MAGI3: variants seen among roughly 807,000 people sequenced by gnomAD.
The protein encoded by MAGI3 is membrane associated guanylate kinase, WW and PDZ domain containing 3, also known as membrane-associated guanylate kinase, WW and PDZ domain-containing protein 3.
In MAGI3, 43 loss-of-function variants were observed where a neutral mutation model predicts 121.8. That is an observed-to-expected ratio of 0.35 (90% CI 0.28 to 0.46). The LOEUF is 0.46. MAGI3 is among the 20% of genes least tolerant of loss of function. The probability of loss-of-function intolerance (pLI) is 1.00; values close to 1 mark genes in which losing one functional copy is unlikely to be tolerated. For synonymous variants in MAGI3, 553 were observed against 639.3 expected, an observed-to-expected ratio of 0.86 and a Z score of 2.04; for missense variants, 1,547 against 1,797.3, an observed-to-expected ratio of 0.86 and a Z score of 2.52.
chr1:113,676,294 G>T (rs1012757531), intron 19 of MAGI3, among the ~76,000 whole-genome samples: 1 of 152,168 alleles, frequency 6.6e-6, no homozygotes, highest in Non-Finnish European at 1.5e-5. Context: ...AGCCAGGAGT[G>T]GTGGCACATG....
At chr1:113,529,718 T>C (rs534794874) in intron 1 of MAGI3, among the ~76,000 whole-genome samples, 3 of 152,260 alleles carry the variant, frequency 2.0e-5, no homozygotes, top group African/African-American at 7.2e-5. Flanking sequence ...ATATCTCTCC[T>C]ATATGACAAA....
chr1:113,391,526 A>C lies in MAGI3; in HGVS notation c.316+177A>C, dbSNP rs1650817370. 6.6e-6 allele frequency among the ~76,000 whole-genome samples: 1 copy of C among 152,008 alleles called. No individual in the cohort carries two copies. Among genetic ancestry groups the C allele is most frequent in the South Asian group, 2.1e-4 (1 of 4,814 alleles). ...GGCGTTGGTGAGTCCCATTTTGCCG[A>C]AGGGAAAACTGAGCTCTGGCTTGGC... On this transcript the variant is annotated intron_variant, in intron 1 of 20. Coordinates refer to ENST00000307546, the MANE Select transcript of MAGI3 (RefSeq NM_001142782.2). This position sits in a 1 kb window ranked among gnomAD's most constrained non-coding sequence, Gnocchi z 4.4.
At chr1:113,527,436 A>G (rs1179434416) in intron 1 of MAGI3, among the ~76,000 whole-genome samples, 2 of 152,230 alleles carry the variant, frequency 1.3e-5, no homozygotes, top group Non-Finnish European at 2.9e-5. Context: ...ACCCAAATGA[A>G]GAACTAGTTA....
intron 3 of MAGI3, among the ~76,000 whole-genome samples, chr1:113,581,602 C>T (rs1648029552): frequency 1.3e-5 from 2 of 152,000 alleles, no homozygotes; most frequent in Admixed American, 6.6e-5. Context: ...CATTGTAGGC[C>T]CACTAGAAGA....
intron 1 of MAGI3, among the ~76,000 whole-genome samples, chr1:113,437,722 CCTT>C (rs943313103): frequency 3.3e-5 from 5 of 150,136 alleles, no homozygotes; most frequent in Non-Finnish European, 6.0e-5. Flanking sequence ...TCCTCCTTCT[CCTT>C]CTTTCTTCTT....
At chr1:113,560,977 C>G (rs1171312763) in intron 2 of MAGI3, among the ~76,000 whole-genome samples, 3 of 152,138 alleles carry the variant, frequency 2.0e-5, no homozygotes, top group Admixed American at 2.0e-4. Flanking sequence ...TCAGAAAATA[C>G]TATAAACACC....
At position 113,556,862 on chromosome 1, in the gene MAGI3, G is replaced by A. The variant is rs563660276; in HGVS notation, c.433+7231G>A. On this transcript the variant is annotated intron_variant, in intron 2 of 20. Transcript: ENST00000307546. ...ATTACAGACGTGAGGCCCCACACCCGGCCTAATAAGGAATATTCTGAATAA... is the reference window on the plus strand; with the variant it reads ...ATTACAGACGTGAGGCCCCACACCCAGCCTAATAAGGAATATTCTGAATAA... Among the ~76,000 whole-genome samples the A allele has an allele frequency of 7.9e-5, 12 of 152,060 alleles. No homozygotes were observed. In the South Asian group the frequency reaches 2.1e-3, roughly 26 times the overall value.
chr1:113,680,690 G>A (rs1278403930), intron 19 of MAGI3, among the ~76,000 whole-genome samples: 2 of 152,086 alleles, frequency 1.3e-5, no homozygotes, highest in Admixed American at 6.5e-5. Context: ...CCAGGAGGCG[G>A]AGCTTGCAGT....
chr1:113,558,444 G>A (rs1454208694), intron 2 of MAGI3, among the ~76,000 whole-genome samples: 1 of 151,946 alleles, frequency 6.6e-6, no homozygotes, highest in Non-Finnish European at 1.5e-5. Flanking sequence ...TAAACCAAGC[G>A]GGGAAAAGAA....
intron 2 of MAGI3, among the ~76,000 whole-genome samples, chr1:113,578,749 T>TA (rs762176365): frequency 6.6e-6 from 1 of 151,702 alleles, no homozygotes; most frequent in Non-Finnish European, 1.5e-5. Context: ...AATTTGAAAA[T>TA]AAAAAACGTA....
intron 1 of MAGI3, among the ~76,000 whole-genome samples, chr1:113,453,349 G>A: frequency 6.6e-6 from 1 of 152,074 alleles, no homozygotes; most frequent in East Asian, 1.9e-4. Context: ...TTAGCAAACT[G>A]AGTATGGAAT....
chr1:113,653,226 C>T (rs760069066), intron 14 of MAGI3, among the ~76,000 whole-genome samples: 1 of 152,174 alleles, frequency 6.6e-6, no homozygotes, highest in African/African-American at 2.4e-5. Context: ...TGTCATTCCT[C>T]ATTATGTGTT....
intron 1 of MAGI3, among the ~76,000 whole-genome samples, chr1:113,424,008 A>G (rs1161297761): frequency 1.3e-4 from 20 of 152,220 alleles, no homozygotes; most frequent in Non-Finnish European, 2.8e-4. Context: ...TTCTGAGCCC[A>G]CGGGGGCAGG....
chr1:113,605,121 CT>C (rs1649674186), intron 6 of MAGI3, among the ~76,000 whole-genome samples: 1 of 151,876 alleles, frequency 6.6e-6, no homozygotes, highest in Admixed American at 6.6e-5. Flanking sequence ...TTTTTTAGAA[CT>C]TTTCACAGTT....
intron 7 of MAGI3, among the ~76,000 whole-genome samples, chr1:113,616,863 A>G (rs906522798): frequency 6.6e-6 from 1 of 151,308 alleles, no homozygotes; most frequent in African/African-American, 2.4e-5. Flanking sequence ...GTCAAAATAT[A>G]TACTTGCTTT....
intron 1 of MAGI3, among the ~76,000 whole-genome samples, chr1:113,543,534 T>C (rs1659388081): frequency 6.6e-6 from 1 of 152,318 alleles, no homozygotes; most frequent in South Asian, 2.1e-4. Context: ...AAATTTCATG[T>C]ATTCAAGGAT....
chr1:113,413,995 T>G (rs561730326), intron 1 of MAGI3, among the ~76,000 whole-genome samples: 2 of 152,342 alleles, frequency 1.3e-5, no homozygotes, highest in East Asian at 3.9e-4. Flanking sequence ...GCCCATTCAG[T>G]ATGATATTGG....
intron 1 of MAGI3, among the ~76,000 whole-genome samples, chr1:113,526,830 G>A (rs527327405): frequency 6.6e-6 from 1 of 152,262 alleles, no homozygotes; most frequent in African/African-American, 2.4e-5. Context: ...GGTATCAACA[G>A]TATTTGGTGA....
At chr1:113,439,058 G>T (rs1186144894) in intron 1 of MAGI3, among the ~76,000 whole-genome samples, 2 of 152,126 alleles carry the variant, frequency 1.3e-5, no homozygotes, top group Non-Finnish European at 2.9e-5. Context: ...ATAAAATGAG[G>T]ATTACTTGAA....
Sources: gnomAD v4.1 joint callset for allele counts (sites outside exome capture counted in the v4.1 genomes callset) on GRCh38, gnomAD v4.1.1 for gene constraint, Gnocchi (gnomAD v3.1) non-coding constraint, MANE v1.5 for transcripts, NCBI Gene and HGNC (gene_info 2026-07-23, HGNC 2026-07-21) for gene names.